Variants in FOXJ3 observed in about 807,000 individuals in gnomAD.
FOXJ3 encodes forkhead box J3, also known as forkhead box protein J3.
In FOXJ3, 22 loss-of-function variants were observed where a neutral mutation model predicts 76.1. That is an observed-to-expected ratio of 0.29 (90% CI 0.21 to 0.41). The LOEUF is 0.41. Ranked by LOEUF, FOXJ3 falls within the 10% of genes least tolerant of loss-of-function variation. The pLI is 1.00. For synonymous variants in FOXJ3, 269 were observed against 261.2 expected, an observed-to-expected ratio of 1.03 and a Z score of -0.29; for missense variants, 613 against 762.1, an observed-to-expected ratio of 0.80 and a Z score of 2.30.
chr1:42,245,407 CACA>C (rs1162729280), intron 4 of FOXJ3, among the ~76,000 whole-genome samples: 26 of 152,092 alleles, frequency 1.7e-4, no homozygotes, highest in African/African-American at 6.0e-4. Context: ...TGTTCACAGA[CACA>C]AATATCCTCA....
intron 4 of FOXJ3, among the ~76,000 whole-genome samples, chr1:42,259,280 A>G (rs1650849938): frequency 6.6e-6 from 1 of 152,198 alleles, no homozygotes. Flanking sequence ...ACAATCTGGA[A>G]TACTGTTCTC....
In FOXJ3 at chr1:42,178,821, A is replaced by G. The variant is rs1478507699; in HGVS notation, c.*889T>C. On this transcript the variant is annotated 3_prime_UTR_variant, in exon 13 of 13. Transcript: ENST00000361346. ...AAAATAATAATAGTTCTGTGCTTTC[A>G]GACACATTTCTCCTTAATGAACCCG... 1.3e-5 allele frequency: 2 copies of G among 152,258 alleles called. No individual in the cohort carries two copies. Among genetic ancestry groups the G allele is most frequent in the Non-Finnish European group, 2.9e-5 (2 of 67,930 alleles). The allele number at this position is 152,258 out of a possible 1,614,324, so 9.4% of individuals were successfully genotyped here. A position where few individuals can be genotyped will look rare whatever the true frequency, so the allele number is the denominator to read the frequency against.
intron 3 of FOXJ3, among the ~76,000 whole-genome samples, chr1:42,276,228 C>A (rs1433076414): frequency 2.0e-5 from 3 of 151,886 alleles, no homozygotes; most frequent in African/African-American, 7.3e-5. Flanking sequence ...CAGTGGTGGG[C>A]GCCTGTAATC....
chr1:42,303,863 C>T (rs1253935405), intron 2 of FOXJ3, among the ~76,000 whole-genome samples: 2 of 152,110 alleles, frequency 1.3e-5, no homozygotes, highest in Admixed American at 6.5e-5. Flanking sequence ...TCAACAAGCC[C>T]TAAGAAACAG....
intron 2 of FOXJ3, among the ~76,000 whole-genome samples, chr1:42,279,885 C>T (rs1652569423): frequency 6.6e-6 from 1 of 151,776 alleles, no homozygotes; most frequent in South Asian, 2.1e-4. Context: ...CCCATATAGC[C>T]CCTTCATTCC....
intron 4 of FOXJ3, among the ~76,000 whole-genome samples, chr1:42,254,863 T>C (rs1168659334): frequency 1.3e-5 from 2 of 150,150 alleles, no homozygotes; most frequent in Non-Finnish European, 3.0e-5. Context: ...TACCTAATGC[T>C]AAATGACGAG....
At position 42,278,378 on chromosome 1, in the gene FOXJ3, T is replaced by C. The variant is rs1280312977; in HGVS notation, c.339A>G (p.Pro113=). 1.2e-6 allele frequency: 2 copies of C among 1,613,602 alleles called. No individual in the cohort carries two copies. The highest frequency in any genetic ancestry group is 1.7e-5 in the Admixed American group (1 of 60,024). The change falls in exon 3 of 13, where the codon CCA becomes CCG. Residue 113 remains proline (P), a synonymous_variant. Transcript: ENST00000361346. The stretch of plus-strand genomic sequence containing the variant: ...AACCACTGCCAGCCTCTCTATAATA[T>C]GGGAAGTTATCACAAATCCACTGAT... The part of the protein sequence containing the change: ...EIYQWICDNF[P]YYREAGSGWK...
intron 7 of FOXJ3, among the ~76,000 whole-genome samples, 154 bp downstream of exon 7, chr1:42,198,948 C>T (rs1178847548): frequency 6.6e-6 from 1 of 152,200 alleles, no homozygotes; most frequent in East Asian, 1.9e-4. Context: ...TAACAAGCTA[C>T]AATCTCCTCT....
At chr1:42,323,059 T>C (rs560704532) in intron 1 of FOXJ3, among the ~76,000 whole-genome samples, 8 of 152,186 alleles carry the variant, frequency 5.3e-5, no homozygotes, top group African/African-American at 1.7e-4. Flanking sequence ...ATCAAACTAG[T>C]GAGGGATCAG....
At chr1:42,323,810 C>T (rs564716969) in intron 1 of FOXJ3, 12 of 414,670 alleles carry the variant, frequency 2.9e-5, no homozygotes, top group African/African-American at 2.6e-4. Flanking sequence ...TAGGTCTCTA[C>T]TGTTCCACAG....
chr1:42,225,490 G>A (rs1373332968), intron 5 of FOXJ3, among the ~76,000 whole-genome samples: 1 of 152,058 alleles, frequency 6.6e-6, no homozygotes, highest in Non-Finnish European at 1.5e-5. Context: ...TGTTCCATAA[G>A]AACACTATAT....
chr1:42,255,255 CGGTATAAAGTGTAA>C (rs1489453146), intron 4 of FOXJ3, among the ~76,000 whole-genome samples: 1 of 151,960 alleles, frequency 6.6e-6, no homozygotes, highest in Non-Finnish European at 1.5e-5. Flanking sequence ...GTAGAGTAGG[CGGTATAAAGTGTAA>C]GGTATGAAGT....
chr1:42,242,760 C>G (rs888193510), intron 4 of FOXJ3, among the ~76,000 whole-genome samples: 1 of 152,072 alleles, frequency 6.6e-6, no homozygotes, highest in African/African-American at 2.4e-5. Flanking sequence ...AGATGAAAGG[C>G]ATAGGAAGTT....
intron 5 of FOXJ3, among the ~76,000 whole-genome samples, chr1:42,225,992 G>GAA (rs1241997792): frequency 6.6e-6 from 1 of 152,136 alleles, no homozygotes; most frequent in East Asian, 1.9e-4. Context: ...TGAAATTCCA[G>GAA]GAACTTCAGA....
chr1:42,301,374 T>C (rs891471557), intron 2 of FOXJ3, among the ~76,000 whole-genome samples: 1 of 151,960 alleles, frequency 6.6e-6, no homozygotes, highest in African/African-American at 2.4e-5. Flanking sequence ...TTTTTTTTTG[T>C]ATTTTTAGTA....
intron 5 of FOXJ3, among the ~76,000 whole-genome samples, chr1:42,223,225 T>C (rs780042760): frequency 4.6e-5 from 7 of 152,318 alleles, no homozygotes; most frequent in Middle Eastern, 3.4e-3. Context: ...CATTTATGTA[T>C]ATATCCCTAG....
chr1:42,292,062 G>A (rs1051806040), intron 2 of FOXJ3, among the ~76,000 whole-genome samples: 1 of 152,192 alleles, frequency 6.6e-6, no homozygotes, highest in Middle Eastern at 3.4e-3. Flanking sequence ...CCAGAGGATG[G>A]GACCCTGAGG....
intron 4 of FOXJ3, among the ~76,000 whole-genome samples, chr1:42,231,159 A>C (rs1367544414): frequency 1.3e-5 from 2 of 151,974 alleles, no homozygotes; most frequent in African/African-American, 2.4e-5. Context: ...ACTTAAAAAA[A>C]AAAAAAAATA....
At chr1:42,257,197 G>A (rs12143871) in intron 4 of FOXJ3, among the ~76,000 whole-genome samples, 1 of 152,194 alleles carries the variant, frequency 6.6e-6, no homozygotes, top group African/African-American at 2.4e-5. Context: ...AAAGACTGCA[G>A]TGGCTTACCC....
Sources: allele counts gnomAD v4.1 joint callset (sites outside exome capture counted in the v4.1 genomes callset), GRCh38; gene constraint gnomAD v4.1.1; transcripts MANE v1.5; gene names NCBI Gene and HGNC (gene_info 2026-07-23, HGNC 2026-07-21).